Variants in DTL observed in about 807,000 individuals in gnomAD.
DTL encodes the protein denticleless protein homolog.
A neutral mutation model predicts 87.0 loss-of-function variants in DTL; 46 were observed. The ratio of observed to expected loss-of-function variants is 0.53; its 90% CI spans 0.42 to 0.68. DTL has a LOEUF of 0.68. Ranked by LOEUF, DTL falls within the 30% of genes least tolerant of loss-of-function variation. The pLI, the probability that DTL is intolerant of heterozygous loss-of-function variation, is 0.00. For synonymous variants in DTL, 308 were observed against 311.2 expected (o/e 0.99, Z 0.11); for missense variants, 737 against 869.4 (o/e 0.85, Z 1.91).
intron 13 of DTL, among the ~76,000 whole-genome samples, chr1:212,096,828 C>G (rs1316179392): frequency 6.6e-6 from 1 of 152,098 alleles, no homozygotes; most frequent in Non-Finnish European, 1.5e-5. Flanking sequence ...CATGAATGTT[C>G]TGATGAATAG....
At chr1:212,064,492 C>A (rs999018895) in intron 6 of DTL, among the ~76,000 whole-genome samples, 4 of 152,194 alleles carry the variant, frequency 2.6e-5, no homozygotes, top group African/African-American at 9.7e-5. Flanking sequence ...ACAATAGTTT[C>A]ACTACTCTAG....
intron 9 of DTL, 67 bp from the exon 10 acceptor site, chr1:212,068,532 T>G: frequency 9.4e-7 from 1 of 1,066,604 alleles, no homozygotes; most frequent in Non-Finnish European, 1.4e-6. Flanking sequence ...TATTTTTGTC[T>G]CTACATTTTA....
At position 212,038,784 on chromosome 1, in the gene DTL, A is replaced by C. The variant is rs186876367; in HGVS notation, c.52+2842A>C. 4.5e-4 allele frequency among the ~76,000 whole-genome samples: 69 copies of C among 152,336 alleles called. 1 individual carries two copies. The highest frequency in any genetic ancestry group is 3.7e-3 in the Admixed American group (57 of 15,300). Reference sequence around the variant, plus strand: ...TCTGTGTATTTTTAAATTGATATCTAAAAGTTTTTATTATAAACTTAAACA... The same window carrying C: ...TCTGTGTATTTTTAAATTGATATCTCAAAGTTTTTATTATAAACTTAAACA... On this transcript the variant is annotated intron_variant, in intron 1 of 14. Transcript: ENST00000366991.
At chr1:212,081,955 G>A (rs1016901696) in intron 13 of DTL, among the ~76,000 whole-genome samples, 1 of 152,222 alleles carries the variant, frequency 6.6e-6, no homozygotes, top group Non-Finnish European at 1.5e-5. Flanking sequence ...AGTTGCAGAT[G>A]TGAGGTTCAT....
chr1:212,101,022 C>T lies in DTL; in HGVS notation c.2032C>T (p.Arg678Ter). Residue 678 changes from arginine to a stop codon, truncating the protein, a stop_gained, in exon 14 of 15, where the codon CGA becomes TGA. Coordinates refer to ENST00000366991, the MANE Select transcript of DTL (RefSeq NM_016448.4). LOFTEE classifies it high-confidence loss of function. ...AKRKAENPSP[R>*]SPSSQTPNSR... ...ACGGAAGGCTGAGAATCCATCTCCA[C>T]GAAGTCCGTCATCCCAGACACCCAA... 6 of 1,613,834 alleles carry T rather than the reference C, an allele frequency of 3.7e-6. No homozygotes were observed. Among genetic ancestry groups the T allele is most frequent in the Non-Finnish European group, 4.2e-6 (5 of 1,179,868 alleles).
At chr1:212,060,734 C>CAAAAAAAAAAAAAAAAAAAAAAAAAA (rs36050858) in intron 5 of DTL, among the ~76,000 whole-genome samples, 1 of 90,588 alleles carries the variant, frequency 1.1e-5, no homozygotes, top group South Asian at 3.3e-4. Context: ...GACTCAGTCT[C>CAAAAAAAAAAAAAAAAAAAAAAAAAA]AAAAAAAAAA....
At chr1:212,047,260 G>T (rs1361384796) in intron 4 of DTL, 37 bp from the exon 5 acceptor site, 1 of 1,614,164 alleles carries the variant, frequency 6.2e-7, no homozygotes, top group Non-Finnish European at 8.5e-7. Context: ...TGATAAGGGA[G>T]TGCTTTATTA....
At chr1:212,039,780 G>A (rs1337669310) in intron 1 of DTL, among the ~76,000 whole-genome samples, 1 of 152,144 alleles carries the variant, frequency 6.6e-6, no homozygotes, top group African/African-American at 2.4e-5. Flanking sequence ...AAGTATTTGT[G>A]TATTTAAACA....
At chr1:212,040,524 CCT>C (rs1425166180) in intron 1 of DTL, among the ~76,000 whole-genome samples, 4 of 152,274 alleles carry the variant, frequency 2.6e-5, no homozygotes, top group East Asian at 1.9e-4. Context: ...GTGAAGGTGG[CCT>C]CTCGGAATAT....
chr1:212,054,767 C>T (rs1668113437), intron 5 of DTL, among the ~76,000 whole-genome samples: 1 of 139,210 alleles, frequency 7.2e-6, no homozygotes, highest in South Asian at 2.3e-4. Flanking sequence ...TGCACTCCAG[C>T]CTGGGTGACA....
At position 212,052,738 on chromosome 1, in the gene DTL, A is replaced by T. The variant is rs563936394; in HGVS notation, c.460+5321A>T. On this transcript the variant is annotated intron_variant, in intron 5 of 14. Transcript: ENST00000366991. ...TGTTACCTTAATTACCCATATATATATATTTTTTTTCAATTACTCATGTAT... is the reference window on the plus strand; with the variant it reads ...TGTTACCTTAATTACCCATATATATTTATTTTTTTTCAATTACTCATGTAT... 6.9e-4 allele frequency among the ~76,000 whole-genome samples: 101 copies of T among 147,282 alleles called. No homozygotes were observed. The East Asian group carries it at 0.01, about 15-fold the overall frequency.
rs375130588 is a variant in DTL, at chr1:212,041,516, G to A, written c.53-1477G>A. Among the ~76,000 whole-genome samples, 4 of 117,014 alleles carry A rather than the reference G, an allele frequency of 3.4e-5. No homozygotes were observed. In the East Asian group the frequency reaches 9.3e-4, roughly 27 times the overall value. The allele number at this position is 117,014 out of a possible 152,430, so 76.8% of individuals were successfully genotyped here. On this transcript the variant is annotated intron_variant, in intron 1 of 14. Transcript: ENST00000366991. ...ACTATTGCATTTTTGGCGGGGGGGT[G>A]GGGGGTGGGGACGGAGTGTCGCTGT...
intron 5 of DTL, among the ~76,000 whole-genome samples, chr1:212,048,547 G>T (rs900032998): frequency 2.6e-5 from 4 of 152,156 alleles, no homozygotes; most frequent in African/African-American, 9.7e-5. Context: ...ATTTTCCTAT[G>T]TTTATATTGT....
chr1:212,084,343 G>A (rs998714953), intron 13 of DTL, among the ~76,000 whole-genome samples: 9 of 151,778 alleles, frequency 5.9e-5, no homozygotes, highest in Non-Finnish European at 1.3e-4. Flanking sequence ...GTGCCACCAT[G>A]CCCAGCTAAT....
intron 1 of DTL, among the ~76,000 whole-genome samples, chr1:212,041,646 A>G (rs1031849982): frequency 6.6e-6 from 1 of 151,844 alleles, no homozygotes; most frequent in East Asian, 1.9e-4. Flanking sequence ...CTGGGACTAC[A>G]GGCGCCTGCC....
intron 5 of DTL, among the ~76,000 whole-genome samples, chr1:212,053,643 A>G (rs561769035): frequency 6.6e-6 from 1 of 152,088 alleles, no homozygotes; most frequent in Admixed American, 6.5e-5. Flanking sequence ...TTTGGAGTGC[A>G]GTGGCGAAAT....
intron 3 of DTL, 74 bp from the exon 4 acceptor site, chr1:212,047,077 A>G: frequency 7.3e-7 from 1 of 1,375,210 alleles, no homozygotes; most frequent in Non-Finnish European, 1.0e-6. Context: ...CTTTCCAGGC[A>G]TTTAAAGTTA....
chr1:212,100,451 C>T lies in DTL; in HGVS notation c.1461C>T (p.Ser487=), dbSNP rs1320273212. 7 of 1,613,876 alleles carry T rather than the reference C, an allele frequency of 4.3e-6. No homozygotes were observed. The highest frequency in any genetic ancestry group is 5.9e-6 in the Non-Finnish European group (7 of 1,179,982). ...RSPINRRGSV[S]SVSPKPPSSF... ...CCATCAACAGAAGAGGCTCTGTCTC[C>T]TCCGTCTCTCCCAAGCCACCTTCAT... The change falls in exon 14 of 15, where the codon TCC becomes TCT. Residue 487 remains serine (S), a synonymous_variant. Coordinates refer to ENST00000366991, the MANE Select transcript of DTL (RefSeq NM_016448.4).
intron 13 of DTL, among the ~76,000 whole-genome samples, chr1:212,091,471 G>A (rs996952798): frequency 3.3e-5 from 5 of 152,100 alleles, no homozygotes; most frequent in Admixed American, 6.5e-5. Flanking sequence ...AAAAGTGATC[G>A]CAGTATGTGG....
Sources: allele counts gnomAD v4.1 joint callset (sites outside exome capture counted in the v4.1 genomes callset), GRCh38; gene constraint gnomAD v4.1.1; transcripts MANE v1.5; gene names NCBI Gene and HGNC (gene_info 2026-07-23, HGNC 2026-07-21).